The following YJU2B variants were observed in gnomAD, a reference collection of about 807,000 sequenced individuals.
The protein encoded by YJU2B is YJU2 splicing factor homolog B.
Under a neutral mutation model 38.0 loss-of-function variants are expected in YJU2B, and 18 were observed. The observed-to-expected ratio is 0.47, with a 90% confidence interval of 0.33 to 0.70. The LOEUF is 0.70. Among genes scored for constraint, YJU2B ranks in the 30% least tolerant of loss-of-function variants. YJU2B has a pLI of 0.02. For synonymous variants in YJU2B, 246 were observed against 225.4 expected (o/e 1.09, Z -0.82); for missense variants, 538 against 556.3 (o/e 0.97, Z 0.33).
At chr19:13,758,765 T>C (rs1973763369) in intron 6 of YJU2B, 103 bp from the exon 7 acceptor site, 10 of 1,400,226 alleles carry the variant, frequency 7.1e-6, no homozygotes, top group Middle Eastern at 1.8e-4. Context: ...CAGTGAATTT[T>C]TGTCAAATGA....
chr19:13,738,311 C>G (rs1295305663), intron 2 of YJU2B, among the ~76,000 whole-genome samples: 4 of 152,214 alleles, frequency 2.6e-5, no homozygotes, highest in Non-Finnish European at 4.4e-5. Flanking sequence ...ATGGCATCAT[C>G]ACAGCTCTTA....
intron 3 of YJU2B, among the ~76,000 whole-genome samples, chr19:13,755,815 G>C (rs956922284): frequency 1.3e-5 from 2 of 151,866 alleles, no homozygotes; most frequent in Admixed American, 6.6e-5. Context: ...AAAAATAGCC[G>C]GGCGTGGTGG....
intron 8 of YJU2B, among the ~76,000 whole-genome samples, chr19:13,761,822 G>A (rs1160562593): frequency 6.6e-6 from 1 of 151,326 alleles, no homozygotes; most frequent in African/African-American, 2.4e-5. Flanking sequence ...CTCCCCGGTT[G>A]AAGTGATTTT....
chr19:13,757,134 C>T (rs1386773492), intron 4 of YJU2B, among the ~76,000 whole-genome samples: 2 of 151,660 alleles, frequency 1.3e-5, no homozygotes, highest in Admixed American at 1.3e-4. Flanking sequence ...GAGCAAGACT[C>T]TGTCTCAAAA....
intron 2 of YJU2B, among the ~76,000 whole-genome samples, chr19:13,740,294 C>T (rs1011274667): frequency 6.6e-6 from 1 of 152,130 alleles, no homozygotes. Context: ...TCACTGCAGC[C>T]TCCACCTTCT....
At chr19:13,743,869 G>GGCGACA (rs71170554), upstream of YJU2B, among the ~76,000 whole-genome samples, 90,406 of 148,900 alleles carry the variant, frequency 0.61, 27,529 homozygotes, top group Middle Eastern at 0.72. Context: ...CTCCAGCCTG[G>GGCGACA]GCAAGACTCA....
Position 13,762,770 on chromosome 19 carries a change from G to A in YJU2B, c.893G>A (p.Arg298Gln). The A allele has an allele frequency of 1.2e-6, 2 of 1,605,008 alleles. No homozygotes were observed. The highest frequency in any genetic ancestry group is 2.3e-5 in the East Asian group (1 of 44,424). The stretch of plus-strand genomic sequence containing the variant: ...GTCGGGGACCTGGGCATCGTGCGGC[G>A]GAGGTCTCGGGACGTCCCGGAGAGC... ...ITVGDLGIVR[R>Q]RSRDVPESPQ... Residue 298 changes from arginine (R) to glutamine (Q), a missense_variant, in exon 10 of 10, where the codon CGG becomes CAG. Coordinates refer to ENST00000221554, the MANE Select transcript of YJU2B (RefSeq NM_030818.4).
rs952138376 is a variant in YJU2B, at chr19:13,752,436, T to C, written c.3+625T>C. On this transcript the variant is annotated intron_variant, in intron 2 of 9. Coordinates refer to ENST00000221554, the MANE Select transcript of YJU2B (RefSeq NM_030818.4). ...CAGCCTGGCCAACATGGCGAAACCC[T>C]GTCTCTACTAAAAATACAAAAATTA... 6.6e-5 allele frequency among the ~76,000 whole-genome samples: 10 copies of C among 151,768 alleles called. No homozygotes were observed. In the East Asian group the frequency reaches 1.8e-3, roughly 27 times the overall value.
upstream of YJU2B, among the ~76,000 whole-genome samples, chr19:13,745,696 G>GATAGAT (rs1973218470): frequency 8.7e-5 from 4 of 46,134 alleles, no homozygotes; most frequent in South Asian, 7.9e-4. Context: ...GATAGATATA[G>GATAGAT]ATATATAGAT....
At chr19:13,737,819 G>A (rs2145083533) in intron 2 of YJU2B, among the ~76,000 whole-genome samples, 1 of 151,938 alleles carries the variant, frequency 6.6e-6, no homozygotes, top group East Asian at 1.9e-4. Context: ...TTAGCCAGAT[G>A]TAGCTGGTTA....
At chr19:13,757,703 G>T in intron 5 of YJU2B, 83 bp from the exon 6 acceptor site, 3 of 1,398,048 alleles carry the variant, frequency 2.1e-6, no homozygotes, top group Admixed American at 1.7e-5. Context: ...GCAAGTGACA[G>T]TGAGCCTCTT....
At chr19:13,757,035 G>A (rs1189792944) in intron 4 of YJU2B, among the ~76,000 whole-genome samples, 1 of 151,846 alleles carries the variant, frequency 6.6e-6, no homozygotes, top group Non-Finnish European at 1.5e-5. Context: ...CAGCTACTTG[G>A]GAGGCTGAGG....
At chr19:13,735,944 C>T (rs572681186) in intron 2 of YJU2B, among the ~76,000 whole-genome samples, 3 of 150,784 alleles carry the variant, frequency 2.0e-5, no homozygotes, top group East Asian at 2.0e-4. Context: ...CCCAGCTACT[C>T]GGGAGGCTGA....
rs200375691 is a variant in YJU2B at position 13,757,838 on chromosome 19, G to A, written c.249G>A (p.Pro83=). The A allele has an allele frequency of 1.8e-5, 29 of 1,613,928 alleles. No individual in the cohort carries two copies. Among genetic ancestry groups the A allele is most frequent in the African/African-American group, 1.5e-4 (11 of 75,010 alleles). ...AGGTGGGCAATTACTACACAACCCC[G>A]ATCTACAGGTAAGGGCGGCTTGGTG... The part of the protein sequence containing the change: ...KKKVGNYYTT[P]IYRFRMKCHL... The change falls in exon 6 of 10, where the codon CCG becomes CCA. Residue 83 remains proline (P), a synonymous_variant. Coordinates refer to ENST00000221554, the MANE Select transcript of YJU2B (RefSeq NM_030818.4).
In YJU2B at chr19:13,751,756, G is replaced by T; in HGVS notation, c.-53G>T. 1 of 1,610,748 alleles carries T rather than the reference G, an allele frequency of 6.2e-7. No homozygotes were observed. The highest frequency in any genetic ancestry group is 1.3e-5 in the African/African-American group (1 of 74,956). The stretch of plus-strand genomic sequence containing the variant: ...CAGGACAGTGCAGTGTGTTCACAAG[G>T]CCAGTTTCTGATCGTCCGCCCCGAG... On this transcript the variant is annotated 5_prime_UTR_variant, in exon 2 of 10. Transcript: ENST00000221554.
chr19:13,747,485 C>A (rs1306623887), upstream of YJU2B, among the ~76,000 whole-genome samples: 1 of 152,198 alleles, frequency 6.6e-6, no homozygotes, highest in African/African-American at 2.4e-5. Context: ...AATAATTTTT[C>A]TTGAGACGGA....
chr19:13,752,977 T>C (rs1441686203), intron 2 of YJU2B, among the ~76,000 whole-genome samples: 1 of 152,092 alleles, frequency 6.6e-6, no homozygotes, highest in Non-Finnish European at 1.5e-5. Flanking sequence ...TCTTGAGACC[T>C]GTGTTCAACG....
Position 13,733,138 on chromosome 19 carries a change from C to T in YJU2B, c.-202+853C>T, listed in dbSNP as rs147762936. The stretch of plus-strand genomic sequence containing the variant: ...TAGAGACGGGGTTTCATGGTGTTAG[C>T]CAGGATAGTCTCGATCTCCTGACCT... On this transcript the variant is annotated intron_variant, in intron 2 of 10. Coordinates refer to the YJU2B transcript ENST00000586600. 2.1e-4 allele frequency among the ~76,000 whole-genome samples: 32 copies of T among 150,656 alleles called. No individual in the cohort carries two copies. In the East Asian group the frequency reaches 6.5e-3, roughly 31 times the overall value.
chr19:13,756,213 G>A lies in YJU2B; in HGVS notation c.74G>A (p.Arg25Gln), dbSNP rs749822715. 5.6e-6 allele frequency: 9 copies of A among 1,613,932 alleles called. No individual in the cohort carries two copies. The highest frequency in any genetic ancestry group is 1.1e-5 in the South Asian group (1 of 91,070). Residue 25 changes from arginine to glutamine, a missense_variant, in exon 4 of 10, where the codon CGA becomes CAA. By Grantham distance (43) the Arg-to-Gln change is conservative. Transcript: ENST00000221554. ...TCCACACAGCATGGCTCTCTCAACC[G>A]ATACCACAACAGCCACCCGCTTCGG... ...FNPEKHGSLN[R>Q]YHNSHPLRER...
Sources: gnomAD v4.1 joint callset for allele counts (sites outside exome capture counted in the v4.1 genomes callset) on GRCh38, gnomAD v4.1.1 for gene constraint, MANE v1.5 for transcripts, NCBI Gene and HGNC (gene_info 2026-07-23, HGNC 2026-07-21) for gene names.